Variants in PPP2R2D observed in about 807,000 individuals in gnomAD.
PPP2R2D encodes the protein serine/threonine-protein phosphatase 2A 55 kDa regulatory subunit B delta isoform.
Under a neutral mutation model 31.1 loss-of-function variants are expected in PPP2R2D, and 9 were observed. The observed-to-expected ratio is 0.29, with a 90% CI of 0.17 to 0.51. PPP2R2D has a LOEUF of 0.51. PPP2R2D is among the 20% of genes least tolerant of loss of function. PPP2R2D has a pLI of 0.98. For synonymous variants in PPP2R2D, 179 were observed against 172.6 expected (o/e 1.04, Z -0.29); for missense variants, 391 against 465.6 (o/e 0.84, Z 1.48).
At chr10:131,925,904 A>G (rs1267891995) in intron 2 of PPP2R2D, among the ~76,000 whole-genome samples, 2 of 152,170 alleles carry the variant, frequency 1.3e-5, no homozygotes, top group African/African-American at 4.8e-5. Flanking sequence ...TAAGGTGCAT[A>G]TTCCTAGTGG....
intron 8 of PPP2R2D, among the ~76,000 whole-genome samples, chr10:131,951,375 A>T (rs1376179265): frequency 6.6e-6 from 1 of 152,270 alleles, no homozygotes; most frequent in Non-Finnish European, 1.5e-5. Context: ...ATCATAACAT[A>T]TACTGAAAAG....
At chr10:131,965,692 C>T in the PPP2R2D span, among the ~76,000 whole-genome samples, 5 of 152,332 alleles carry the variant, frequency 3.3e-5, no homozygotes, top group South Asian at 4.1e-4. Flanking sequence ...GCAATCCACC[C>T]GCCCCAGCCT....
At chr10:131,913,950 A>T (rs1468882112) in intron 2 of PPP2R2D, among the ~76,000 whole-genome samples, 1 of 152,238 alleles carries the variant, frequency 6.6e-6, no homozygotes, top group Non-Finnish European at 1.5e-5. Context: ...GTGTGAAGAC[A>T]CAGGCTGTGC....
the PPP2R2D span, chr10:131,970,768 G>C: frequency 5.6e-6 from 9 of 1,614,070 alleles, no homozygotes; most frequent in Non-Finnish European, 7.6e-6. This position sits in a 1 kb window ranked among gnomAD's most constrained non-coding sequence, Gnocchi z 4.1. Context: ...GTGCGCTTCG[G>C]GTGTTTAAAG....
In PPP2R2D at chr10:131,956,370, G is replaced by A. The variant is rs180894061; in HGVS notation, c.*407G>A. 222 of 986,958 alleles carry A rather than the reference G, an allele frequency of 2.2e-4. 1 individual carries two copies. The East Asian group carries it at 0.018, about 81-fold the overall frequency. The allele number at this position is 986,958 out of a possible 1,614,324, so 61.1% of individuals were successfully genotyped here. On this transcript the variant is annotated 3_prime_UTR_variant, in exon 9 of 9. Coordinates refer to ENST00000455566, the MANE Select transcript of PPP2R2D (RefSeq NM_018461.5). Reference sequence around the variant, plus strand: ...ATCACACTTGGGCCTTCACTGCAGCGTGGTGTGGCCACCGTCCGTGTCCTC... The same window carrying A: ...ATCACACTTGGGCCTTCACTGCAGCATGGTGTGGCCACCGTCCGTGTCCTC...
chr10:131,948,499 C>T (rs2036582008), intron 8 of PPP2R2D, among the ~76,000 whole-genome samples: 1 of 152,138 alleles, frequency 6.6e-6, no homozygotes, highest in African/African-American at 2.4e-5. Context: ...GGCATAAACA[C>T]CTAGAAATGC....
chr10:131,906,217 C>T (rs932525430), intron 2 of PPP2R2D, among the ~76,000 whole-genome samples: 1 of 152,080 alleles, frequency 6.6e-6, no homozygotes, highest in South Asian at 2.1e-4. Context: ...ATGGAGAAAC[C>T]GTGGGGAGGG....
intron 2 of PPP2R2D, among the ~76,000 whole-genome samples, chr10:131,926,288 A>G (rs997529116): frequency 1.3e-5 from 2 of 152,190 alleles, no homozygotes; most frequent in East Asian, 3.8e-4. Context: ...GTTTTTGAAC[A>G]GAATGGACTT....
chr10:131,962,821 G>T (rs782661894), downstream of PPP2R2D, among the ~76,000 whole-genome samples: 1 of 152,210 alleles, frequency 6.6e-6, no homozygotes. Context: ...CACTTCCGCC[G>T]ATCAGAGGTC....
rs782651908 is a variant in PPP2R2D, at chr10:131,947,708, G to A, written c.999G>A (p.Glu333=). The A allele has an allele frequency of 1.2e-6, 2 of 1,614,204 alleles. No individual in the cohort carries two copies. The highest frequency in any genetic ancestry group is 1.7e-5 in the Admixed American group (1 of 60,028). The stretch of plus-strand genomic sequence containing the variant: ...CGGTGGAGACCCACCAGGTCCACGA[G>A]TACCTGCGCAGCAAGCTCTGCTCTC... ...SRPVETHQVH[E]YLRSKLCSLY... The change falls in exon 8 of 9, where the codon GAG becomes GAA. Residue 333 remains glutamate (E), a synonymous_variant. Coordinates refer to ENST00000455566, the MANE Select transcript of PPP2R2D (RefSeq NM_018461.5). The surrounding 1 kb of genome is among the most constrained non-coding windows in gnomAD (Gnocchi z 4.3).
chr10:131,941,774 G>A (rs562142763), intron 5 of PPP2R2D, among the ~76,000 whole-genome samples: 22 of 152,282 alleles, frequency 1.4e-4, no homozygotes, highest in African/African-American at 4.8e-4. Flanking sequence ...CAGCTTTGCC[G>A]TGTGGGGTGG....
At chr10:131,933,943 C>G (rs1466228457) in intron 2 of PPP2R2D, among the ~76,000 whole-genome samples, 6 of 151,980 alleles carry the variant, frequency 3.9e-5, no homozygotes, top group Non-Finnish European at 8.8e-5. Flanking sequence ...GTAACTGTAT[C>G]CAGACAATGA....
Position 131,958,390 on chromosome 10 carries a change from C to CGTGCCCCTGTGGAG in PPP2R2D, c.*2427_*2428insGTGCCCCTGTGGAG, listed in dbSNP as rs1564830195. ...GAGATGAAGGTGTGTGCTGATTCCT[C>CGTGCCCCTGTGGAG]ATGCCCCTGTGGAGATGGAGGTGTG... On this transcript the variant is annotated 3_prime_UTR_variant, in exon 9 of 9. Coordinates refer to ENST00000455566, the MANE Select transcript of PPP2R2D (RefSeq NM_018461.5). The CGTGCCCCTGTGGAG allele has an allele frequency of 5.4e-6, 1 of 184,624 alleles. No individual in the cohort carries two copies. The highest frequency in any genetic ancestry group is 2.7e-5 in the African/African-American group (1 of 37,658). 11.4% of individuals were successfully genotyped at this position (184,624 alleles called of 1,614,324 possible).
At chr10:131,912,954 T>C (rs1287494704) in intron 2 of PPP2R2D, among the ~76,000 whole-genome samples, 2 of 152,350 alleles carry the variant, frequency 1.3e-5, no homozygotes, top group African/African-American at 4.8e-5. Context: ...TGAATTGCTT[T>C]GATTACATCT....
Position 131,921,230 on chromosome 10 carries a change from A to G in PPP2R2D, c.101-13228A>G, listed in dbSNP as rs531068091. Among the ~76,000 whole-genome samples, 26 of 152,342 alleles carry G rather than the reference A, an allele frequency of 1.7e-4. No individual in the cohort carries two copies. The South Asian group carries it at 4.1e-3, about 24-fold the overall frequency. On this transcript the variant is annotated intron_variant, in intron 2 of 8. Transcript: ENST00000455566. The stretch of plus-strand genomic sequence containing the variant: ...TAGTTGTATTTGTTGTTGCATGTCT[A>G]GATCTGCCACGGGGGAGAGGCCAGA...
Position 131,950,241 on chromosome 10 carries a change from G to A in PPP2R2D, c.1082+2450G>A, listed in dbSNP as rs552929679. Among the ~76,000 whole-genome samples, 229 of 152,260 alleles carry A rather than the reference G, an allele frequency of 1.5e-3. 3 individuals carry two copies. Among genetic ancestry groups the A allele is most frequent in the Admixed American group, 3.9e-4 (6 of 15,292 alleles). On this transcript the variant is annotated intron_variant, in intron 8 of 8. Transcript: ENST00000455566. ...GAGGCCAGGGTGAGGCACAGCACACGTTTAAACAAAGTTTGGGGGTGTGAG... is the reference window on the plus strand; with the variant it reads ...GAGGCCAGGGTGAGGCACAGCACACATTTAAACAAAGTTTGGGGGTGTGAG...
In PPP2R2D at chr10:131,947,857, G is replaced by A; in HGVS notation, c.1082+66G>A. On this transcript the variant is annotated intron_variant, in intron 8 of 8. Transcript: ENST00000455566. The surrounding 1 kb of genome is among the most constrained non-coding windows in gnomAD (Gnocchi z 4.3). ...TGGTTTCCGAGAGTGCAAGGTCAGT[G>A]AGGGAGGCGAGCTGTCCTCCAGCGT... 6.3e-7 allele frequency: 1 copy of A among 1,575,834 alleles called. No homozygotes were observed. The highest frequency in any genetic ancestry group is 1.2e-5 in the South Asian group (1 of 85,826).
the PPP2R2D span, chr10:131,970,866 G>C: frequency 6.2e-7 from 1 of 1,614,176 alleles, no homozygotes; most frequent in Non-Finnish European, 8.5e-7. This position sits in a 1 kb window ranked among gnomAD's most constrained non-coding sequence, Gnocchi z 4.1. Context: ...ACACTCACTT[G>C]GGGGGAATAT....
downstream of PPP2R2D, chr10:131,959,942 G>A (rs2036899756): frequency 6.6e-6 from 1 of 152,218 alleles, no homozygotes; most frequent in South Asian, 2.1e-4. Context: ...TGCAGCCCAG[G>A]CGGGTCCCGT....
Sources: allele counts gnomAD v4.1 joint callset (sites outside exome capture counted in the v4.1 genomes callset), GRCh38; gene constraint gnomAD v4.1.1; non-coding constraint Gnocchi (gnomAD v3.1); transcripts MANE v1.5; gene names NCBI Gene and HGNC (gene_info 2026-07-23, HGNC 2026-07-21).